SHISA6: variants seen among roughly 807,000 people sequenced by gnomAD.
SHISA6 encodes the protein protein shisa-6.
Under a neutral mutation model 47.9 loss-of-function variants are expected in SHISA6, and 22 were observed. The observed-to-expected ratio is 0.46, with a 90% CI of 0.33 to 0.66. The LOEUF is 0.66. SHISA6 is among the 30% of genes least tolerant of loss of function. SHISA6 has a pLI of 0.02. For synonymous variants in SHISA6, 388 were observed against 337.8 expected (o/e 1.15, Z -1.63); for missense variants, 680 against 764.6 (o/e 0.89, Z 1.30).
At chr17:11,380,405 C>CT (rs1912970239) in intron 3 of SHISA6, 1 of 152,104 alleles carries the variant, frequency 6.6e-6, no homozygotes, top group South Asian at 2.1e-4. Context: ...AAATCTGTAT[C>CT]TGTGTATGTA....
intron 3 of SHISA6, among the ~76,000 whole-genome samples, chr17:11,462,497 G>A (rs1317634862): frequency 1.3e-5 from 2 of 152,170 alleles, no homozygotes; most frequent in Non-Finnish European, 1.5e-5. Context: ...CATTAGCAGG[G>A]TCTACTCTCT....
At position 11,562,919 on chromosome 17, in the gene SHISA6, C is replaced by T. The variant is rs1371034014; in HGVS notation, c.*4615C>T. On this transcript the variant is annotated 3_prime_UTR_variant, in exon 6 of 6. Transcript: ENST00000441885. ...GGGCTCGGCCACCCAGGGATGCCCT[C>T]GTACCTGAAGTTTAAGGGCCTAACC... 1.3e-5 allele frequency: 2 copies of T among 152,318 alleles called. No individual in the cohort carries two copies. Among genetic ancestry groups the T allele is most frequent in the African/African-American group, 2.4e-5 (1 of 41,466 alleles). The allele number at this position is 152,318 out of a possible 1,614,324, so 9.4% of individuals were successfully genotyped here. A position where few individuals can be genotyped will look rare whatever the true frequency, so the allele number is the denominator to read the frequency against.
intron 3 of SHISA6, among the ~76,000 whole-genome samples, chr17:11,403,397 A>T (rs1371832308): frequency 1.3e-5 from 2 of 152,170 alleles, no homozygotes; most frequent in Non-Finnish European, 2.9e-5. Context: ...TGCTTTGTTG[A>T]TGTATTTTAT....
chr17:11,525,835 T>C (rs2071674845), intron 3 of SHISA6, among the ~76,000 whole-genome samples: 1 of 151,568 alleles, frequency 6.6e-6, no homozygotes, highest in Non-Finnish European at 1.5e-5. Context: ...AAAACCCATC[T>C]CTACAAAAAG....
intron 3 of SHISA6, among the ~76,000 whole-genome samples, chr17:11,546,885 C>T (rs1037603363): frequency 7.9e-5 from 12 of 151,292 alleles, no homozygotes; most frequent in Admixed American, 2.0e-4. Flanking sequence ...TGCGCCACGG[C>T]GCCACTGTAC....
At chr17:11,304,640 C>T (rs1910041532) in intron 2 of SHISA6, among the ~76,000 whole-genome samples, 1 of 152,026 alleles carries the variant, frequency 6.6e-6, no homozygotes, top group Admixed American at 6.5e-5. Flanking sequence ...ACCACAGCAC[C>T]CTTTAGGGCT....
chr17:11,344,150 C>T (rs1911622149), intron 2 of SHISA6, among the ~76,000 whole-genome samples: 3 of 152,080 alleles, frequency 2.0e-5, no homozygotes, highest in African/African-American at 7.2e-5. Flanking sequence ...CTATTTAAAT[C>T]TTTCATCTAT....
At position 11,456,470 on chromosome 17, in the gene SHISA6, C is replaced by A. The variant is rs1321715115; in HGVS notation, c.895+76961C>A. On this transcript the variant is annotated intron_variant, in intron 3 of 5. Coordinates refer to ENST00000441885, the MANE Select transcript of SHISA6 (RefSeq NM_207386.4). The stretch of plus-strand genomic sequence containing the variant: ...GGGTATGAGCACAGCTAAGTTCTAG[C>A]CTGGATTCTGCCACTAACTTAAGAC... 8.5e-5 allele frequency among the ~76,000 whole-genome samples: 13 copies of A among 152,332 alleles called. No homozygotes were observed. In the South Asian group the frequency reaches 1.5e-3, roughly 17 times the overall value.
At chr17:11,516,779 T>A (rs185922714) in intron 3 of SHISA6, among the ~76,000 whole-genome samples, 1 of 152,346 alleles carries the variant, frequency 6.6e-6, no homozygotes, top group Non-Finnish European at 1.5e-5. Context: ...CAACTAGGAC[T>A]GTTCCTGGCC....
chr17:11,279,085 T>G (rs1266298107), intron 2 of SHISA6, among the ~76,000 whole-genome samples: 1 of 152,150 alleles, frequency 6.6e-6, no homozygotes, highest in South Asian at 2.1e-4. Context: ...AGTTTGGGGT[T>G]GCTGGCTTCA....
At chr17:11,276,086 T>C (rs1428940975) in intron 2 of SHISA6, among the ~76,000 whole-genome samples, 1 of 152,110 alleles carries the variant, frequency 6.6e-6, no homozygotes, top group Non-Finnish European at 1.5e-5. Flanking sequence ...CAAGCAATTC[T>C]CCTGCCTAAG....
intron 3 of SHISA6, among the ~76,000 whole-genome samples, chr17:11,542,789 T>G (rs2071844850): frequency 6.6e-6 from 1 of 152,170 alleles, no homozygotes. Flanking sequence ...GCCAACATGA[T>G]TCTCTGTGAA....
intron 3 of SHISA6, among the ~76,000 whole-genome samples, chr17:11,461,584 G>A (rs990478082): frequency 1.3e-5 from 2 of 152,128 alleles, no homozygotes; most frequent in South Asian, 4.1e-4. Flanking sequence ...GGAGCAGCAG[G>A]AAAACATGGG....
chr17:11,350,157 A>AATTTATTTATTT (rs542515657), intron 2 of SHISA6, among the ~76,000 whole-genome samples: 6 of 128,406 alleles, frequency 4.7e-5, no homozygotes, highest in East Asian at 2.3e-4. Flanking sequence ...ATGCCCGGCT[A>AATTTATTTATTT]ATTTATTTAT....
chr17:11,373,801 C>A (rs926072480), intron 2 of SHISA6, among the ~76,000 whole-genome samples: 1 of 152,162 alleles, frequency 6.6e-6, no homozygotes, highest in Non-Finnish European at 1.5e-5. Flanking sequence ...TATGACTTTT[C>A]TCTGGCTGGG....
intron 3 of SHISA6, among the ~76,000 whole-genome samples, chr17:11,512,017 C>T (rs1191739638): frequency 6.6e-6 from 1 of 152,248 alleles, no homozygotes; most frequent in African/African-American, 2.4e-5. Context: ...TACCTCACCA[C>T]TGTGACCCTT....
chr17:11,292,969 C>T (rs9896515), intron 2 of SHISA6, among the ~76,000 whole-genome samples: 3,454 of 151,766 alleles, frequency 0.023, 149 homozygotes, highest in African/African-American at 0.079. Context: ...GGATTACAGG[C>T]GCCCACCGCC....
chr17:11,375,200 A>G (rs79588199), intron 2 of SHISA6, among the ~76,000 whole-genome samples: 7,012 of 152,272 alleles, frequency 0.046, 284 homozygotes, highest in Admixed American at 0.096. Flanking sequence ...TCTGTTCAGA[A>G]AAAAAGAAAA....
intron 3 of SHISA6, among the ~76,000 whole-genome samples, chr17:11,420,976 G>A (rs1271914883): frequency 7.2e-5 from 11 of 152,164 alleles, no homozygotes; most frequent in African/African-American, 2.7e-4. Flanking sequence ...TGTCAGGACT[G>A]TATGGGCTAA....
Sources: allele counts gnomAD v4.1 joint callset (sites outside exome capture counted in the v4.1 genomes callset), GRCh38; gene constraint gnomAD v4.1.1; transcripts MANE v1.5; gene names NCBI Gene and HGNC (gene_info 2026-07-23, HGNC 2026-07-21).